The following NAV3 variants were observed in gnomAD, a reference collection of about 807,000 sequenced individuals.
The protein encoded by NAV3 is pore membrane and/or filament interacting like protein 1.
NAV3 carries 87 observed loss-of-function variants against 244.7 expected under a neutral mutation model. The observed-to-expected ratio is 0.36, with a 90% CI of 0.30 to 0.42. The LOEUF is 0.42. Among genes scored for constraint, NAV3 ranks in the 20% least tolerant of loss-of-function variants. The pLI is 1.00. For missense variants in NAV3, 2,663 were observed against 2,893.3 expected (o/e 0.92, Z 1.83); for synonymous variants, 1,126 against 1,042.2 (o/e 1.08, Z -1.55).
intron 12 of NAV3, among the ~76,000 whole-genome samples, chr12:78,062,405 T>C (rs1884448691): frequency 6.6e-6 from 1 of 152,124 alleles, no homozygotes; most frequent in Admixed American, 6.6e-5. Flanking sequence ...GTAGACATTG[T>C]AAATCAAAAA....
chr12:78,157,775 G>A (rs1408017522), intron 22 of NAV3, among the ~76,000 whole-genome samples: 1 of 151,482 alleles, frequency 6.6e-6, no homozygotes, highest in Admixed American at 6.6e-5. Flanking sequence ...TGGAGAGTGG[G>A]TGTGTTTGTG....
chr12:77,969,348 G>A (rs1313531681), intron 5 of NAV3, among the ~76,000 whole-genome samples: 1 of 152,024 alleles, frequency 6.6e-6, no homozygotes, highest in Non-Finnish European at 1.5e-5. Flanking sequence ...TGTTCAACTA[G>A]AGGAGTCAAG....
chr12:78,098,330 A>G (rs971507270), intron 12 of NAV3, among the ~76,000 whole-genome samples: 2 of 152,036 alleles, frequency 1.3e-5, no homozygotes. Context: ...GTCTTTAAAA[A>G]TAATCTCTCC....
intron 2 of NAV3, among the ~76,000 whole-genome samples, chr12:77,750,460 A>G (rs933917435): frequency 6.6e-6 from 1 of 151,950 alleles, no homozygotes; most frequent in Non-Finnish European, 1.5e-5. Flanking sequence ...TGAGGTCAGG[A>G]GTTTGAGTCT....
chr12:77,940,177 C>G, intron 1 of NAV3, 142 bp from the exon 2 acceptor site: 1 of 639,146 alleles, frequency 1.6e-6, no homozygotes, highest in Non-Finnish European at 2.8e-6. Flanking sequence ...TACTTTACAA[C>G]TATTTCCTTT....
intron 2 of NAV3, among the ~76,000 whole-genome samples, chr12:77,739,833 C>T (rs1477155304): frequency 6.6e-6 from 1 of 152,108 alleles, no homozygotes; most frequent in Non-Finnish European, 1.5e-5. Context: ...GGATAATTGT[C>T]TCATAAATAG....
At chr12:78,139,032 A>C (rs1240780106) in intron 19 of NAV3, among the ~76,000 whole-genome samples, 1 of 152,154 alleles carries the variant, frequency 6.6e-6, no homozygotes, top group African/African-American at 2.4e-5. Context: ...TTAATTGTCC[A>C]CCTTTCCTAT....
At chr12:77,986,606 T>G (rs1341857441) in intron 5 of NAV3, among the ~76,000 whole-genome samples, 2 of 152,048 alleles carry the variant, frequency 1.3e-5, no homozygotes, top group Admixed American at 6.5e-5. Flanking sequence ...TTCTTGAGGT[T>G]GAAAACTAAA....
chr12:77,666,756 T>A (rs1423444417), intron 2 of NAV3, among the ~76,000 whole-genome samples: 1 of 152,198 alleles, frequency 6.6e-6, no homozygotes, highest in Admixed American at 6.5e-5. Context: ...GGAGAAAATT[T>A]GTTTCAAAGT....
At chr12:78,097,883 A>G (rs1022628869) in intron 12 of NAV3, among the ~76,000 whole-genome samples, 5 of 152,118 alleles carry the variant, frequency 3.3e-5, no homozygotes, top group African/African-American at 1.2e-4. Flanking sequence ...GGGAACTTCT[A>G]TTCCTCTGAA....
At chr12:77,714,379 G>A (rs970422165) in intron 2 of NAV3, among the ~76,000 whole-genome samples, 16 of 152,128 alleles carry the variant, frequency 1.1e-4, no homozygotes, top group African/African-American at 3.4e-4. Context: ...AATTATGTGC[G>A]GAACTGTGCT....
In NAV3 at chr12:77,831,681, G is replaced by T; in HGVS notation, c.220G>T (p.Ala74Ser). Residue 74 changes from alanine (A) to serine (S), a missense_variant, in exon 1 of 40, where the codon GCC (alanine) becomes TCC (serine). This residue lies in a region of NAV3 where 1,521 missense variants were observed against 1,497.0 expected (regional missense o/e 1.02). Coordinates refer to ENST00000397909, the MANE Select transcript of NAV3 (RefSeq NM_001024383.2). ...AGAGAAGAAACCCCTCCAAGGAAAA[G>T]CCAAGGAGAAAGAAGACAGCAAGGT... ...FGEKKPLQGK[A>S]KEKEDSKIYT... 2 of 1,609,054 alleles carry T rather than the reference G, an allele frequency of 1.2e-6. No individual in the cohort carries two copies. Among genetic ancestry groups the T allele is most frequent in the Non-Finnish European group, 1.7e-6 (2 of 1,178,522 alleles).
chr12:77,815,962 A>G (rs1373403250), intron 2 of NAV3, among the ~76,000 whole-genome samples: 1 of 152,172 alleles, frequency 6.6e-6, no homozygotes, highest in Non-Finnish European at 1.5e-5. Flanking sequence ...ATGCATTATT[A>G]TATGTCAAGC....
intron 2 of NAV3, among the ~76,000 whole-genome samples, chr12:77,581,910 C>A (rs1201640014): frequency 3.3e-5 from 5 of 152,128 alleles, no homozygotes; most frequent in Non-Finnish European, 7.4e-5. Flanking sequence ...TTCATTTATA[C>A]TCATCACTTG....
intron 39 of NAV3, among the ~76,000 whole-genome samples, chr12:78,209,338 C>T (rs957352415): frequency 7.4e-6 from 1 of 135,328 alleles, no homozygotes; most frequent in Non-Finnish European, 1.6e-5. Flanking sequence ...TTTCTCCTTT[C>T]TATTTCTGTA....
chr12:77,973,078 C>A (rs7962877), intron 5 of NAV3, among the ~76,000 whole-genome samples: 59,767 of 151,908 alleles, frequency 0.39, 13,265 homozygotes, highest in African/African-American at 0.61. Context: ...GTAAAAGATA[C>A]ATTTTTTTAT....
intron 16 of NAV3, among the ~76,000 whole-genome samples, chr12:78,123,637 A>G (rs936146208): frequency 2.6e-5 from 4 of 152,188 alleles, no homozygotes; most frequent in Non-Finnish European, 4.4e-5. Context: ...CTTCCCGATG[A>G]TAAAGTAATT....
intron 2 of NAV3, among the ~76,000 whole-genome samples, chr12:77,595,820 G>A (rs1453511486): frequency 6.6e-6 from 1 of 151,996 alleles, no homozygotes; most frequent in Admixed American, 6.6e-5. Context: ...AAATAAACCA[G>A]AATATAAAAA....
At chr12:77,738,260 T>C (rs770460) in intron 2 of NAV3, among the ~76,000 whole-genome samples, 83,779 of 151,986 alleles carry the variant, frequency 0.55, 23,705 homozygotes, top group East Asian at 0.85. Flanking sequence ...CAAATTTAAT[T>C]AATCAGTTAG....
Sources: gnomAD v4.1 joint callset for allele counts (sites outside exome capture counted in the v4.1 genomes callset) on GRCh38, gnomAD v4.1.1 for gene constraint, gnomAD v4.1.1 regional missense constraint, MANE v1.5 for transcripts, NCBI Gene and HGNC (gene_info 2026-07-23, HGNC 2026-07-21) for gene names.